The following ZNF652 variants were observed in gnomAD, a reference collection of about 807,000 sequenced individuals.
The protein encoded by ZNF652 is zinc finger protein 652.
A neutral mutation model predicts 45.2 loss-of-function variants in ZNF652; 16 were observed. The observed-to-expected ratio is 0.35, with a 90% CI of 0.24 to 0.54. The LOEUF is 0.54. Ranked by LOEUF, ZNF652 falls within the 20% of genes least tolerant of loss-of-function variation. ZNF652 has a pLI of 0.91. For missense variants in ZNF652, 614 were observed against 765.6 expected (o/e 0.80, Z 2.34); for synonymous variants, 250 against 260.6 (o/e 0.96, Z 0.39).
chr17:49,326,241 TAAAA>T (rs56916451), intron 1 of ZNF652, among the ~76,000 whole-genome samples: 1 of 94,070 alleles, frequency 1.1e-5, no homozygotes, highest in Non-Finnish European at 2.1e-5. Context: ...ACCCCATCTC[TAAAA>T]AAAAAAAAAA....
At chr17:49,326,704 C>T (rs2069959736) in intron 1 of ZNF652, among the ~76,000 whole-genome samples, 1 of 152,194 alleles carries the variant, frequency 6.6e-6, no homozygotes, top group South Asian at 2.1e-4. Flanking sequence ...AGCTCATCAA[C>T]TGCTCTATGT....
intron 5 of ZNF652, among the ~76,000 whole-genome samples, chr17:49,310,419 TG>T (rs2143760898): frequency 6.6e-6 from 1 of 152,348 alleles, no homozygotes; most frequent in South Asian, 2.1e-4. Flanking sequence ...ATAGTGTTTA[TG>T]GGGGAGCTAT....
intron 1 of ZNF652, among the ~76,000 whole-genome samples, chr17:49,355,484 A>G (rs1248364949): frequency 2.0e-5 from 3 of 152,140 alleles, no homozygotes; most frequent in African/African-American, 7.2e-5. Context: ...GGCTGAGGTG[A>G]GATGATCTCT....
rs2069488545 is a variant in ZNF652 at position 49,297,254 on chromosome 17, C to A, written c.*1159G>T. The A allele has an allele frequency of 6.6e-6, 1 of 152,464 alleles. No individual in the cohort carries two copies. The highest frequency in any genetic ancestry group is 1.5e-5 in the Non-Finnish European group (1 of 68,018). 9.4% of individuals were successfully genotyped at this position (152,464 alleles called of 1,614,324 possible). A position where few individuals can be genotyped will look rare whatever the true frequency, so the allele number is the denominator to read the frequency against. ...CAATTCTAGAAAAATAAAGCAACCT[C>A]AAAATGAGCGATTTCAATTTGTCAT... On this transcript the variant is annotated 3_prime_UTR_variant, in exon 6 of 6. Coordinates refer to ENST00000430262, the MANE Select transcript of ZNF652 (RefSeq NM_001145365.3).
intron 1 of ZNF652, among the ~76,000 whole-genome samples, chr17:49,319,549 C>T (rs1037218285): frequency 2.8e-5 from 4 of 144,870 alleles, no homozygotes; most frequent in African/African-American, 5.1e-5. Flanking sequence ...AGGAGAATCG[C>T]TTGAACCCAG....
rs756421007 is a variant in ZNF652 at position 49,298,294 on chromosome 17, C to T, written c.*119G>A. ...GGATCTGTTGATTCAGTGACACTGG[C>T]GAAGCTCTTGGTAGAGGCGGAGGAG... is the stretch of plus-strand genomic sequence containing the variant. On this transcript the variant is annotated 3_prime_UTR_variant, in exon 6 of 6. Coordinates refer to ENST00000430262, the MANE Select transcript of ZNF652 (RefSeq NM_001145365.3). 6.2e-6 allele frequency: 8 copies of T among 1,293,554 alleles called. No homozygotes were observed. The highest frequency in any genetic ancestry group is 2.5e-5 in the East Asian group (1 of 40,454). The allele number at this position is 1,293,554 out of a possible 1,614,324, so 80.1% of individuals were successfully genotyped here.
At chr17:49,339,091 A>AC (rs1315928850) in intron 1 of ZNF652, among the ~76,000 whole-genome samples, 1 of 152,064 alleles carries the variant, frequency 6.6e-6, no homozygotes, top group Non-Finnish European at 1.5e-5. Context: ...GCTGTGGGTG[A>AC]TACTTAACCA....
chr17:49,320,726 T>C (rs930602383), intron 1 of ZNF652, among the ~76,000 whole-genome samples: 2 of 152,240 alleles, frequency 1.3e-5, no homozygotes, highest in African/African-American at 4.8e-5. Context: ...GGAGGAATGA[T>C]GGTAAAATTC....
At chr17:49,309,384 C>T (rs182155016) in intron 5 of ZNF652, among the ~76,000 whole-genome samples, 165 of 145,680 alleles carry the variant, frequency 1.1e-3, no homozygotes, top group Non-Finnish European at 1.9e-3. Context: ...GGTGAACTCG[C>T]GTAATCTCAA....
chr17:49,331,197 C>T (rs2143849438), intron 1 of ZNF652, among the ~76,000 whole-genome samples: 1 of 148,998 alleles, frequency 6.7e-6, no homozygotes, highest in Non-Finnish European at 1.5e-5. Flanking sequence ...TCTCAGCTCA[C>T]TGCAAGCTCT....
intron 5 of ZNF652, among the ~76,000 whole-genome samples, chr17:49,301,396 C>T (rs1226368250): frequency 3.9e-5 from 6 of 152,132 alleles, no homozygotes. Context: ...CTCCTGGACT[C>T]AAGTGATCCT....
At chr17:49,298,971 T>G in intron 5 of ZNF652, 47 bp from the exon 6 acceptor site, 1 of 1,535,434 alleles carries the variant, frequency 6.5e-7, no homozygotes, top group Admixed American at 2.0e-5. Flanking sequence ...TAGGTGGTAA[T>G]TGTGTGCTCA....
At position 49,298,295 on chromosome 17, in the gene ZNF652, G is replaced by T; in HGVS notation, c.*118C>A. ...GATCTGTTGATTCAGTGACACTGGC[G>T]AAGCTCTTGGTAGAGGCGGAGGAGA... On this transcript the variant is annotated 3_prime_UTR_variant, in exon 6 of 6. Coordinates refer to ENST00000430262, the MANE Select transcript of ZNF652 (RefSeq NM_001145365.3). 1 of 1,300,838 alleles carries T rather than the reference G, an allele frequency of 7.7e-7. No homozygotes were observed. Among genetic ancestry groups the T allele is most frequent in the East Asian group, 2.5e-5 (1 of 40,584 alleles). The allele number at this position is 1,300,838 out of a possible 1,614,324, so 80.6% of individuals were successfully genotyped here. A position where few individuals can be genotyped will look rare whatever the true frequency, so the allele number is the denominator to read the frequency against.
At chr17:49,351,347 A>T (rs1465482506) in intron 1 of ZNF652, among the ~76,000 whole-genome samples, 2 of 152,128 alleles carry the variant, frequency 1.3e-5, no homozygotes, top group Non-Finnish European at 2.9e-5. Flanking sequence ...TAGCCATTGA[A>T]GAATTCACCA....
intron 1 of ZNF652, among the ~76,000 whole-genome samples, chr17:49,337,822 T>G (rs191969887): frequency 3.6e-4 from 55 of 152,298 alleles, no homozygotes; most frequent in Non-Finnish European, 6.3e-4. Context: ...ATTCATGCAT[T>G]TACAAGCTTT....
At chr17:49,319,499 G>A (rs1416227961) in intron 1 of ZNF652, among the ~76,000 whole-genome samples, 2 of 151,852 alleles carry the variant, frequency 1.3e-5, no homozygotes, top group Admixed American at 6.6e-5. Flanking sequence ...TGAGCATAGC[G>A]GCTCATGCCT....
intron 1 of ZNF652, among the ~76,000 whole-genome samples, chr17:49,320,510 C>T (rs2069875416): frequency 6.6e-6 from 1 of 152,328 alleles, no homozygotes; most frequent in African/African-American, 2.4e-5. Context: ...TCTATTTCTA[C>T]TATGACAAAT....
Position 49,353,113 on chromosome 17 carries a change from A to G in ZNF652, c.-259+8796T>C, listed in dbSNP as rs368626445. Among the ~76,000 whole-genome samples, 7 of 152,326 alleles carry G rather than the reference A, an allele frequency of 4.6e-5. No individual in the cohort carries two copies. The East Asian group carries it at 1.3e-3, about 29-fold the overall frequency. ...AATATCAAAATGTCAATTTTACTGT[A>G]TATTAATTTAAAAAATAAATTATTT... On this transcript the variant is annotated intron_variant, in intron 1 of 5. Transcript: ENST00000430262.
chr17:49,318,224 C>T (rs2069838270), intron 1 of ZNF652, among the ~76,000 whole-genome samples: 1 of 152,076 alleles, frequency 6.6e-6, no homozygotes. Context: ...ATTACAGGCG[C>T]CCGCCACCAC....
Sources: allele counts gnomAD v4.1 joint callset (sites outside exome capture counted in the v4.1 genomes callset), GRCh38; gene constraint gnomAD v4.1.1; transcripts MANE v1.5; gene names NCBI Gene and HGNC (gene_info 2026-07-23, HGNC 2026-07-21).